Variants in CDKAL1 observed in about 807,000 individuals in gnomAD.
The protein encoded by CDKAL1 is threonylcarbamoyladenosine tRNA methylthiotransferase.
In CDKAL1, 32 loss-of-function variants were observed where a neutral mutation model predicts 68.2. The observed-to-expected ratio is 0.47, with a 90% CI of 0.35 to 0.63. The LOEUF is 0.63. CDKAL1 is among the 30% of genes least tolerant of loss of function. CDKAL1 has a pLI of 0.00. For synonymous variants in CDKAL1, 234 were observed against 244.3 expected (o/e 0.96, Z 0.39); for missense variants, 606 against 696.7 (o/e 0.87, Z 1.47).
At chr6:20,709,457 A>G (rs1165296207) in intron 5 of CDKAL1, among the ~76,000 whole-genome samples, 1 of 152,162 alleles carries the variant, frequency 6.6e-6, no homozygotes, top group African/African-American at 2.4e-5. Flanking sequence ...ATGCAAAAAA[A>G]AAATTTGAAG....
At chr6:21,095,473 A>G (rs1330777086) in intron 12 of CDKAL1, among the ~76,000 whole-genome samples, 1 of 152,310 alleles carries the variant, frequency 6.6e-6, no homozygotes, top group East Asian at 1.9e-4. Context: ...GAGTTGCTTT[A>G]GGTGTTAGAA....
chr6:21,180,704 A>G (rs757038402), intron 13 of CDKAL1, among the ~76,000 whole-genome samples: 5 of 152,062 alleles, frequency 3.3e-5, no homozygotes, highest in Non-Finnish European at 7.4e-5. Context: ...TTCATCTTGT[A>G]TGTCTGCTAA....
intron 4 of CDKAL1, among the ~76,000 whole-genome samples, chr6:20,630,017 C>T (rs1181094288): frequency 6.6e-6 from 1 of 152,004 alleles, no homozygotes; most frequent in African/African-American, 2.4e-5. Context: ...CCACACCTGG[C>T]TAATTTTTGT....
chr6:20,776,758 C>G (rs980269803), intron 7 of CDKAL1, among the ~76,000 whole-genome samples: 4 of 152,172 alleles, frequency 2.6e-5, no homozygotes, highest in Non-Finnish European at 4.4e-5. Context: ...TAAAAGCATT[C>G]AACAAACTGA....
At chr6:20,752,662 CT>C (rs1218650359) in intron 6 of CDKAL1, among the ~76,000 whole-genome samples, 13 of 152,274 alleles carry the variant, frequency 8.5e-5, no homozygotes, top group East Asian at 5.8e-4. Flanking sequence ...CATTTTCCCC[CT>C]GATCCCGATC....
intron 11 of CDKAL1, among the ~76,000 whole-genome samples, chr6:21,031,367 G>A (rs1769278628): frequency 6.6e-6 from 1 of 151,114 alleles, no homozygotes; most frequent in South Asian, 2.1e-4. Context: ...TTTATTAAAG[G>A]GTTCACCTGA....
chr6:21,023,544 A>G (rs571537167), intron 11 of CDKAL1, among the ~76,000 whole-genome samples: 15 of 151,936 alleles, frequency 9.9e-5, no homozygotes, highest in Middle Eastern at 3.4e-3. Flanking sequence ...TTTTTTCCAT[A>G]CCCCTGTCAA....
At chr6:20,935,139 CT>C (rs1224829516) in intron 9 of CDKAL1, among the ~76,000 whole-genome samples, 2 of 152,110 alleles carry the variant, frequency 1.3e-5, no homozygotes, top group Non-Finnish European at 2.9e-5. Flanking sequence ...CAAGATCCGC[CT>C]GCCTTGGCCT....
At chr6:21,185,550 C>T (rs1777974593) in intron 13 of CDKAL1, among the ~76,000 whole-genome samples, 1 of 152,180 alleles carries the variant, frequency 6.6e-6, no homozygotes, top group African/African-American at 2.4e-5. Flanking sequence ...TATTTTCTCA[C>T]TTGTCTACAT....
chr6:21,006,419 G>C (rs752039829), intron 11 of CDKAL1, among the ~76,000 whole-genome samples: 4 of 152,090 alleles, frequency 2.6e-5, no homozygotes, highest in Non-Finnish European at 4.4e-5. Context: ...TAGGCAAAAT[G>C]CTTCCCTGAA....
chr6:20,722,745 AC>A (rs1390684263), intron 5 of CDKAL1, among the ~76,000 whole-genome samples: 3 of 152,038 alleles, frequency 2.0e-5, no homozygotes, highest in African/African-American at 7.3e-5. Context: ...ATGCCTTTTT[AC>A]CAATTGAATG....
At chr6:21,070,578 T>G (rs899430423) in intron 12 of CDKAL1, among the ~76,000 whole-genome samples, 71 of 152,140 alleles carry the variant, frequency 4.7e-4, no homozygotes, top group Non-Finnish European at 1.5e-4. Context: ...ATTCTTGGTG[T>G]TTTTTCGCCC....
Position 20,830,319 on chromosome 6 carries a change from C to T in CDKAL1, c.639-15756C>T, listed in dbSNP as rs1251819145. On this transcript the variant is annotated intron_variant, in intron 8 of 15. Transcript: ENST00000274695. ...ACCAATAAATTAACTAAATTAAAAA[C>T]AGAAATGCAACAATATGTTTTGCCC... 2.0e-5 allele frequency among the ~76,000 whole-genome samples: 3 copies of T among 152,210 alleles called. No individual in the cohort carries two copies. The East Asian group carries it at 5.8e-4, about 29-fold the overall frequency.
intron 4 of CDKAL1, among the ~76,000 whole-genome samples, chr6:20,621,772 G>GT (rs149139013): frequency 0.19 from 27,877 of 145,222 alleles, 2,817 homozygotes; most frequent in East Asian, 0.37. Context: ...GCATACCTCA[G>GT]TGTTTTTTTT....
chr6:21,043,684 G>A (rs1440124462), intron 11 of CDKAL1, among the ~76,000 whole-genome samples: 1 of 152,044 alleles, frequency 6.6e-6, no homozygotes, highest in Non-Finnish European at 1.5e-5. Context: ...TCATTTCCTT[G>A]TTACTTTCTG....
At chr6:21,034,425 G>A (rs13210277) in intron 11 of CDKAL1, among the ~76,000 whole-genome samples, 39,817 of 151,044 alleles carry the variant, frequency 0.26, 5,453 homozygotes, top group South Asian at 0.35. Flanking sequence ...AACCTTTAAC[G>A]ATTTTTAATA....
intron 13 of CDKAL1, among the ~76,000 whole-genome samples, chr6:21,128,326 T>G (rs1219014801): frequency 6.6e-6 from 1 of 152,230 alleles, no homozygotes; most frequent in Non-Finnish European, 1.5e-5. Flanking sequence ...AGTAGGTTAG[T>G]TATATTAAAT....
At chr6:20,967,014 C>T (rs558203730) in intron 10 of CDKAL1, among the ~76,000 whole-genome samples, 2 of 152,268 alleles carry the variant, frequency 1.3e-5, no homozygotes, top group African/African-American at 4.8e-5. Flanking sequence ...TTGTTCTGTT[C>T]TTGTCCCGCA....
At chr6:20,876,080 A>G (rs1392306593) in intron 9 of CDKAL1, among the ~76,000 whole-genome samples, 2 of 152,266 alleles carry the variant, frequency 1.3e-5, no homozygotes, top group African/African-American at 4.8e-5. Context: ...GAAAATGTAA[A>G]TAAATTAAAA....
Sources: gnomAD v4.1 joint callset for allele counts (sites outside exome capture counted in the v4.1 genomes callset) on GRCh38, gnomAD v4.1.1 for gene constraint, MANE v1.5 for transcripts, NCBI Gene and HGNC (gene_info 2026-07-23, HGNC 2026-07-21) for gene names.